COL5A1: variants seen among roughly 807,000 people sequenced by gnomAD.
COL5A1 encodes the protein collagen alpha-1(V) chain.
In COL5A1, 16 loss-of-function variants were observed where a neutral mutation model predicts 263.7. The ratio of observed to expected loss-of-function variants is 0.06; its 90% CI spans 0.04 to 0.09. COL5A1 has a LOEUF of 0.09. Ranked by LOEUF, COL5A1 falls within the 10% of genes least tolerant of loss-of-function variation. COL5A1 has a pLI of 1.00. For missense variants in COL5A1, 2,036 were observed against 2,540.5 expected (o/e 0.80, Z 4.27); for synonymous variants, 1,012 against 1,004.5 (o/e 1.01, Z -0.14).
In COL5A1 at chr9:134,782,709, A is replaced by C. The variant is rs1382092603; in HGVS notation, c.2473A>C (p.Lys825Gln). 6.2e-7 allele frequency: 1 copy of C among 1,614,036 alleles called. No homozygotes were observed. Among genetic ancestry groups the C allele is most frequent in the Non-Finnish European group, 8.5e-7 (1 of 1,179,990 alleles). ...TGGGTTTAAAGGAGACATGGGCATC[A>C]AGGGTGATCGGGTGAGCATCTCAGG... Reference protein sequence around the residue: ...FPGFKGDMGIKGDRGEIGPPG... With the variant: ...FPGFKGDMGIQGDRGEIGPPG... Residue 825 changes from lysine (K) to glutamine (Q), a missense_variant, in exon 29 of 66, where the codon AAG becomes CAG. Around this residue, in one of 3 missense-constraint regions of COL5A1, gnomAD observed 1,078 missense variants for 1,521.4 expected, o/e 0.71. Coordinates refer to ENST00000371817, the MANE Select transcript of COL5A1 (RefSeq NM_000093.5).
chr9:134,747,869 GCAGA>G (rs1369271802), intron 11 of COL5A1, among the ~76,000 whole-genome samples: 1 of 132,040 alleles, frequency 7.6e-6, no homozygotes, highest in Non-Finnish European at 1.6e-5. Context: ...ATACACACAT[GCAGA>G]CACATGCACA....
chr9:134,737,449 C>T (rs1374163546), intron 9 of COL5A1, among the ~76,000 whole-genome samples: 1 of 152,174 alleles, frequency 6.6e-6, no homozygotes, highest in African/African-American at 2.4e-5. Flanking sequence ...AATGTGGTCC[C>T]CCAGGTCCTA....
intron 25 of COL5A1, among the ~76,000 whole-genome samples, chr9:134,770,603 C>T (rs1324936861): frequency 6.6e-6 from 1 of 152,238 alleles, no homozygotes; most frequent in African/African-American, 2.4e-5. Context: ...TTCTATCATA[C>T]AATTAGCCAC....
intron 18 of COL5A1, among the ~76,000 whole-genome samples, chr9:134,759,708 A>C (rs1205722847): frequency 1.4e-5 from 1 of 72,240 alleles, no homozygotes; most frequent in Non-Finnish European, 2.3e-5. Context: ...GCACACATGC[A>C]CACACCCCCC....
At chr9:134,674,837 C>T (rs763530949) in intron 1 of COL5A1, among the ~76,000 whole-genome samples, 35 of 151,810 alleles carry the variant, frequency 2.3e-4, no homozygotes, top group South Asian at 6.3e-4. Flanking sequence ...GCTGAGATGG[C>T]GCCACTGCAC....
intron 32 of COL5A1, among the ~76,000 whole-genome samples, chr9:134,791,971 A>C (rs1392525971): frequency 1.3e-5 from 2 of 152,178 alleles, no homozygotes; most frequent in Non-Finnish European, 2.9e-5. Flanking sequence ...GGTCATAGGC[A>C]CCAGGGTCTG....
At chr9:134,710,564 G>GGGAC (rs1833994657) in intron 4 of COL5A1, among the ~76,000 whole-genome samples, 1 of 125,700 alleles carries the variant, frequency 8.0e-6, no homozygotes, top group African/African-American at 3.0e-5. Flanking sequence ...TGGTGGGGGG[G>GGGAC]CCCCATTTGT....
intron 27 of COL5A1, among the ~76,000 whole-genome samples, chr9:134,775,259 C>T (rs1412908050): frequency 6.6e-6 from 1 of 152,266 alleles, no homozygotes; most frequent in Admixed American, 6.5e-5. Context: ...TTCTGTCACT[C>T]TCCTCGCAGA....
intron 1 of COL5A1, among the ~76,000 whole-genome samples, chr9:134,685,498 AT>A (rs1833025219): frequency 8.6e-6 from 1 of 116,748 alleles, no homozygotes; most frequent in Non-Finnish European, 1.7e-5. Context: ...CCATCCATCC[AT>A]CCATCCATCA....
chr9:134,648,315 A>G (rs970709521), intron 1 of COL5A1, among the ~76,000 whole-genome samples: 1 of 148,246 alleles, frequency 6.7e-6, no homozygotes, highest in African/African-American at 2.5e-5. Context: ...ATATATATAT[A>G]TATATTTCTA....
chr9:134,815,944 G>T lies in COL5A1; in HGVS notation c.4078G>T (p.Gly1360Cys). Residue 1360 changes from glycine (G) to cysteine (C), a missense_variant, in exon 52 of 66, where the codon GGT becomes TGT. Around this residue, in one of 3 missense-constraint regions of COL5A1, gnomAD observed 1,078 missense variants for 1,521.4 expected, o/e 0.71. Transcript: ENST00000371817. ...PGEPGPAGQD[G>C]PPGDKGDDGE... is the part of the protein sequence containing the mutation. ...GCTTTTGCCTCCATAGGGTCAAGAT[G>T]GTCCCCCTGGTGACAAAGGAGATGA... The T allele has an allele frequency of 1.9e-6, 3 of 1,614,104 alleles. No homozygotes were observed. The highest frequency in any genetic ancestry group is 2.5e-6 in the Non-Finnish European group (3 of 1,180,038).
At chr9:134,684,229 G>A (rs1036077985) in intron 1 of COL5A1, among the ~76,000 whole-genome samples, 1 of 152,202 alleles carries the variant, frequency 6.6e-6, no homozygotes, top group Non-Finnish European at 1.5e-5. Context: ...ACCAGTGGAC[G>A]ACCAGGAACT....
At chr9:134,718,759 C>T (rs2132615738) in intron 4 of COL5A1, among the ~76,000 whole-genome samples, 1 of 152,242 alleles carries the variant, frequency 6.6e-6, no homozygotes, top group South Asian at 2.1e-4. Flanking sequence ...ACTCAGGAGC[C>T]CCAGTCAGCC....
chr9:134,657,531 T>TA (rs1375627756), intron 1 of COL5A1, among the ~76,000 whole-genome samples: 1 of 10,576 alleles, frequency 9.5e-5, no homozygotes, highest in Non-Finnish European at 1.6e-4. Context: ...GGGGGTGGGG[T>TA]GGGGGTGTAG....
chr9:134,678,904 G>C lies in COL5A1; in HGVS notation c.110-12008G>C, dbSNP rs1045839485. Among the ~76,000 whole-genome samples the C allele has an allele frequency of 6.6e-6, 1 of 152,150 alleles. No homozygotes were observed. The highest frequency in any genetic ancestry group is 1.5e-5 in the Non-Finnish European group (1 of 68,008). ...AGGCTGGTTGGTGTTACCCCCTGCT[G>C]GGGGGCAGGCGTTAGATCTGTGCAG... On this transcript the variant is annotated intron_variant, in intron 1 of 65. Coordinates refer to ENST00000371817, the MANE Select transcript of COL5A1 (RefSeq NM_000093.5). This position sits in a 1 kb window ranked among gnomAD's most constrained non-coding sequence, Gnocchi z 5.5.
In COL5A1 at chr9:134,730,322, C is replaced by G. The variant is rs1834832160; in HGVS notation, c.1011C>G (p.Asp337Glu). The G allele has an allele frequency of 5.0e-6, 8 of 1,614,238 alleles. No individual in the cohort carries two copies. Among genetic ancestry groups the G allele is most frequent in the Non-Finnish European group, 6.8e-6 (8 of 1,180,040 alleles). Residue 337 changes from aspartate to glutamate, a missense_variant, in exon 7 of 66, where the codon GAC becomes GAG. Physicochemically the swap from Asp to Glu is conservative, Grantham distance 45. Around this residue, in one of 3 missense-constraint regions of COL5A1, gnomAD observed 600 missense variants for 634.5 expected, o/e 0.95. Coordinates refer to ENST00000371817, the MANE Select transcript of COL5A1 (RefSeq NM_000093.5). ...AGKEEDVGIG[D>E]YDYVPSEDYY... ...AGGAAGAGGACGTCGGCATCGGGGA[C>G]TATGACTACGTGCCCAGTGAGGACT...
intron 18 of COL5A1, among the ~76,000 whole-genome samples, chr9:134,759,827 C>CG (rs1836223279): frequency 1.1e-5 from 1 of 89,076 alleles, no homozygotes; most frequent in Non-Finnish European, 2.1e-5. Flanking sequence ...TACACACCCA[C>CG]ACCCCCCCAC....
intron 1 of COL5A1, among the ~76,000 whole-genome samples, chr9:134,648,466 G>A (rs1831550139): frequency 6.6e-6 from 1 of 151,972 alleles, no homozygotes; most frequent in Non-Finnish European, 1.5e-5. Context: ...ACAGGCAGCC[G>A]GCAAGACTCC....
chr9:134,732,985 G>T (rs1000002695), intron 9 of COL5A1, among the ~76,000 whole-genome samples: 3 of 152,214 alleles, frequency 2.0e-5, no homozygotes, highest in Non-Finnish European at 2.9e-5. Flanking sequence ...CATGTGGTGG[G>T]CACGACCGGA....
Sources: gnomAD v4.1 joint callset for allele counts (sites outside exome capture counted in the v4.1 genomes callset) on GRCh38, gnomAD v4.1.1 for gene constraint, gnomAD v4.1.1 regional missense constraint, Gnocchi (gnomAD v3.1) non-coding constraint, MANE v1.5 for transcripts, NCBI Gene and HGNC (gene_info 2026-07-23, HGNC 2026-07-21) for gene names.